The following PAX5 variants were observed in gnomAD, a reference collection of about 807,000 sequenced individuals.
The protein encoded by PAX5 is paired box protein Pax-5.
Under a neutral mutation model 43.7 loss-of-function variants are expected in PAX5, and 9 were observed. That is an observed-to-expected ratio of 0.21 (90% CI 0.12 to 0.36). The LOEUF is 0.36. Among genes scored for constraint, PAX5 ranks in the 10% least tolerant of loss-of-function variants. PAX5 has a pLI of 1.00. For synonymous variants in PAX5, 228 were observed against 214.3 expected (o/e 1.06, Z -0.56); for missense variants, 383 against 532.7 (o/e 0.72, Z 2.77).
At chr9:37,028,941 A>T (rs758678264) in intron 1 of PAX5, among the ~76,000 whole-genome samples, 8 of 152,198 alleles carry the variant, frequency 5.3e-5, no homozygotes, top group Non-Finnish European at 1.0e-4. Flanking sequence ...ACAATCAAAG[A>T]AACTGGACCT....
chr9:36,846,701 C>T (rs773196331), intron 9 of PAX5, 142 bp downstream of exon 9: 18 of 591,886 alleles, frequency 3.0e-5, no homozygotes, highest in Non-Finnish European at 4.8e-5. Flanking sequence ...CATGAAAACA[C>T]CTGTGCTCCA....
intron 1 of PAX5, among the ~76,000 whole-genome samples, chr9:37,023,702 T>A (rs116968176): frequency 6.6e-6 from 1 of 152,146 alleles, no homozygotes; most frequent in East Asian, 1.9e-4. Context: ...TGGCTGAGCA[T>A]AGGATTTTGG....
At chr9:36,960,866 C>T (rs1222649388) in intron 6 of PAX5, among the ~76,000 whole-genome samples, 3 of 152,216 alleles carry the variant, frequency 2.0e-5, no homozygotes, top group Non-Finnish European at 4.4e-5. Context: ...GCTGCTCCTT[C>T]GGCCTAGAAT....
At chr9:36,993,899 G>A (rs746664873) in intron 5 of PAX5, among the ~76,000 whole-genome samples, 12 of 152,192 alleles carry the variant, frequency 7.9e-5, no homozygotes, top group Admixed American at 2.0e-4. Context: ...GGGCTCTCCC[G>A]AACACCAGTA....
At chr9:36,965,118 C>T (rs1229159314) in intron 6 of PAX5, among the ~76,000 whole-genome samples, 1 of 152,124 alleles carries the variant, frequency 6.6e-6, no homozygotes, top group African/African-American at 2.4e-5. Context: ...TACCTTTCCC[C>T]CAGGAGGCCA....
intron 6 of PAX5, among the ~76,000 whole-genome samples, chr9:36,940,258 G>C (rs1302898369): frequency 2.6e-5 from 4 of 152,120 alleles, no homozygotes; most frequent in Non-Finnish European, 5.9e-5. Context: ...TAACAGATGA[G>C]GTTTAATCGT....
At chr9:36,913,768 C>T (rs59868492) in intron 7 of PAX5, among the ~76,000 whole-genome samples, 35,448 of 152,130 alleles carry the variant, frequency 0.23, 5,218 homozygotes, top group East Asian at 0.51. Flanking sequence ...GCGCAGAAGC[C>T]ATCTGTTCCC....
At chr9:36,880,157 G>A (rs759390013) in intron 8 of PAX5, among the ~76,000 whole-genome samples, 2 of 152,252 alleles carry the variant, frequency 1.3e-5, no homozygotes, top group East Asian at 3.8e-4. Flanking sequence ...CCTTCTGGGC[G>A]TTCTGTGCCA....
At position 36,953,682 on chromosome 9, in the gene PAX5, A is replaced by T. The variant is rs7873191; in HGVS notation, c.780+12867T>A. 2.7e-4 allele frequency among the ~76,000 whole-genome samples: 41 copies of T among 152,130 alleles called. No individual in the cohort carries two copies. The South Asian group carries it at 6.0e-3, about 22-fold the overall frequency. On this transcript the variant is annotated intron_variant, in intron 6 of 9. Coordinates refer to ENST00000358127, the MANE Select transcript of PAX5 (RefSeq NM_016734.3). ...TTTATTTTTCTTTTGATTCTTTCTT[A>T]GAATTTTCATCTCTCTGCTTACATT...
At chr9:36,964,609 AAAG>A (rs1564017198) in intron 6 of PAX5, among the ~76,000 whole-genome samples, 1 of 152,000 alleles carries the variant, frequency 6.6e-6, no homozygotes, top group Non-Finnish European at 1.5e-5. Flanking sequence ...AAAAAAAAAA[AAAG>A]AAGATAAACT....
At chr9:36,859,548 C>T (rs1179485072) in intron 8 of PAX5, among the ~76,000 whole-genome samples, 3 of 152,178 alleles carry the variant, frequency 2.0e-5, no homozygotes, top group Non-Finnish European at 4.4e-5. Flanking sequence ...TTGGGGTTCT[C>T]TCTCCCAAGG....
rs1030778914 is a variant in PAX5 at position 36,836,679 on chromosome 9, T to C, written c.*3881A>G. 6.0e-5 allele frequency: 14 copies of C among 232,366 alleles called. No homozygotes were observed. Among genetic ancestry groups the C allele is most frequent in the Middle Eastern group, 1.3e-3 (1 of 782 alleles). The allele number at this position is 232,366 out of a possible 1,614,324, so 14.4% of individuals were successfully genotyped here. A position where few individuals can be genotyped will look rare whatever the true frequency, so the allele number is the denominator to read the frequency against. ...TCATTCAGGGGACTTGAGATTGTGA[T>C]CTGTGTTTCCAGGGGCTGTGGACAC... On this transcript the variant is annotated 3_prime_UTR_variant, in exon 10 of 10. Coordinates refer to ENST00000358127, the MANE Select transcript of PAX5 (RefSeq NM_016734.3).
intron 7 of PAX5, among the ~76,000 whole-genome samples, chr9:36,908,728 T>A (rs10814473): frequency 6.6e-6 from 1 of 152,042 alleles, no homozygotes; most frequent in South Asian, 2.1e-4. Context: ...GTGGGCTGGA[T>A]GCTGGAGGCC....
rs139108915 is a variant in PAX5 at position 36,840,599 on chromosome 9, G to A, written c.1137C>T (p.Ala379=). 35 of 1,581,880 alleles carry A rather than the reference G, an allele frequency of 2.2e-5. No homozygotes were observed. In the African/African-American group the frequency reaches 3.2e-4, roughly 14 times the overall value. The change falls in exon 10 of 10, where the codon GCC becomes GCT. Residue 379 remains alanine, a synonymous_variant. Coordinates refer to ENST00000358127, the MANE Select transcript of PAX5 (RefSeq NM_016734.3). The stretch of plus-strand genomic sequence containing the variant: ...AGGCAGTGGCGGCTGCAGGTGGGGC[G>A]GCTCCTCGGGCGGCAGCGCTATAAT... ...PYYYSAAARG[A]APPAAATAYD...
At position 37,002,641 on chromosome 9, in the gene PAX5, C is replaced by T. The variant is rs1237859720; in HGVS notation, c.604+7G>A. 1 of 1,610,730 alleles carries T rather than the reference C, an allele frequency of 6.2e-7. No individual in the cohort carries two copies. The highest frequency in any genetic ancestry group is 8.5e-7 in the Non-Finnish European group (1 of 1,178,492). The stretch of plus-strand genomic sequence containing the variant: ...ATCCCCGACGGGGCTGCGCGGGCCT[C>T]TCTTACCTTCGTCTCTCTTGCGCTT... On this transcript the variant is annotated splice_region_variant and intron_variant, in intron 5 of 9. Coordinates refer to ENST00000358127, the MANE Select transcript of PAX5 (RefSeq NM_016734.3).
Position 37,006,543 on chromosome 9 carries a change from G to A in PAX5, c.411-6C>T, listed in dbSNP as rs1838403683. On this transcript the variant is annotated splice_region_variant and splice_polypyrimidine_tract_variant and intron_variant, in intron 3 of 9. Transcript: ENST00000358127. ...GTACTTTTGTCCGGATGATCCTGTG[G>A]GCAGTTGAAAAACAAAATTGCTATT... 1 of 1,613,776 alleles carries A rather than the reference G, an allele frequency of 6.2e-7. No homozygotes were observed. Among genetic ancestry groups the A allele is most frequent in the Non-Finnish European group, 8.5e-7 (1 of 1,179,708 alleles).
intron 7 of PAX5, among the ~76,000 whole-genome samples, chr9:36,902,231 T>C (rs1828466627): frequency 6.6e-6 from 1 of 152,150 alleles, no homozygotes; most frequent in South Asian, 2.1e-4. Flanking sequence ...TTTATAACTG[T>C]ATTAAATGGT....
At chr9:36,932,166 T>G (rs1023633567) in intron 6 of PAX5, among the ~76,000 whole-genome samples, 1 of 151,974 alleles carries the variant, frequency 6.6e-6, no homozygotes, top group South Asian at 2.1e-4. Context: ...CCAGCTATTT[T>G]GGAGAATGAG....
At chr9:36,989,042 G>A (rs1272466760) in intron 5 of PAX5, among the ~76,000 whole-genome samples, 1 of 152,166 alleles carries the variant, frequency 6.6e-6, no homozygotes, top group Non-Finnish European at 1.5e-5. Flanking sequence ...AAACCCACAT[G>A]TGACCAGCCG....
Sources: gnomAD v4.1 joint callset for allele counts (sites outside exome capture counted in the v4.1 genomes callset) on GRCh38, gnomAD v4.1.1 for gene constraint, MANE v1.5 for transcripts, NCBI Gene and HGNC (gene_info 2026-07-23, HGNC 2026-07-21) for gene names.